The following GLIS3 variants were observed in gnomAD, a reference collection of about 807,000 sequenced individuals.
GLIS3 encodes GLIS family zinc finger 3, also known as zinc finger protein GLIS3.
Under a neutral mutation model 78.6 loss-of-function variants are expected in GLIS3, and 53 were observed. The observed-to-expected ratio is 0.67, with a 90% CI of 0.54 to 0.85. The LOEUF is 0.85. Ranked by LOEUF, GLIS3 falls within the 40% of genes least tolerant of loss-of-function variation. The probability of loss-of-function intolerance (pLI) is 0.00; values close to 1 mark genes in which losing one functional copy is unlikely to be tolerated. For missense variants in GLIS3, 1,703 were observed against 1,231.1 expected (o/e 1.38, Z -5.74); for synonymous variants, 684 against 509.9 (o/e 1.34, Z -4.60).
chr9:4,184,188 T>C (rs1324077176), intron 2 of GLIS3, among the ~76,000 whole-genome samples: 1 of 152,214 alleles, frequency 6.6e-6, no homozygotes, highest in Non-Finnish European at 1.5e-5. Context: ...CAGCCAACTC[T>C]TGATTATCCT....
the GLIS3 span, among the ~76,000 whole-genome samples, chr9:4,367,908 A>G: frequency 6.6e-6 from 1 of 152,206 alleles, no homozygotes; most frequent in Non-Finnish European, 1.5e-5. Context: ...CTTCAATTTT[A>G]TAGTGAGGAA....
At chr9:4,096,325 G>T (rs1333430844) in intron 4 of GLIS3, among the ~76,000 whole-genome samples, 4 of 152,168 alleles carry the variant, frequency 2.6e-5, no homozygotes, top group Admixed American at 6.6e-5. Flanking sequence ...AGGACATACA[G>T]TGAATCACTC....
At chr9:4,362,839 A>G in the GLIS3 span, among the ~76,000 whole-genome samples, 1 of 152,130 alleles carries the variant, frequency 6.6e-6, no homozygotes, top group Non-Finnish European at 1.5e-5. Context: ...TTGGAGAACA[A>G]TGGGGGAGGC....
chr9:4,475,022 C>G, the GLIS3 span, among the ~76,000 whole-genome samples: 6 of 100,158 alleles, frequency 6.0e-5, no homozygotes, highest in Non-Finnish European at 1.1e-4. Flanking sequence ...GAGACGTAGT[C>G]TTGCTCTGTC....
the GLIS3 span, among the ~76,000 whole-genome samples, chr9:4,418,149 A>G: frequency 4.6e-5 from 7 of 152,356 alleles, no homozygotes; most frequent in East Asian, 1.3e-3. Context: ...ACAGTCACTC[A>G]TGAGCCATCC....
chr9:3,952,278 CACCTT>C (rs1816748902), intron 4 of GLIS3, among the ~76,000 whole-genome samples: 1 of 152,062 alleles, frequency 6.6e-6, no homozygotes, highest in African/African-American at 2.4e-5. Context: ...ACTTCTTGGT[CACCTT>C]ACTACTGGGA....
At chr9:4,248,155 G>A (rs1408135038) in intron 2 of GLIS3, among the ~76,000 whole-genome samples, 1 of 152,026 alleles carries the variant, frequency 6.6e-6, no homozygotes, top group Non-Finnish European at 1.5e-5. Context: ...TTGTTACATA[G>A]GTATGCACGT....
intron 2 of GLIS3, among the ~76,000 whole-genome samples, chr9:4,263,597 G>A (rs531855879): frequency 1.7e-4 from 26 of 152,146 alleles, no homozygotes; most frequent in African/African-American, 6.3e-4. Context: ...TAAAGTTTCT[G>A]TCATTTTCCA....
the GLIS3 span, among the ~76,000 whole-genome samples, chr9:4,376,779 C>T: frequency 7.4e-6 from 1 of 135,672 alleles, no homozygotes; most frequent in Non-Finnish European, 1.7e-5. Flanking sequence ...TGAGAATACT[C>T]AATGCTGAAA....
At chr9:4,124,972 T>G (rs1353259787) in intron 3 of GLIS3, among the ~76,000 whole-genome samples, 1 of 152,240 alleles carries the variant, frequency 6.6e-6, no homozygotes, top group Admixed American at 6.5e-5. Flanking sequence ...TACAGTATTT[T>G]GGCTTTATGC....
intron 6 of GLIS3, among the ~76,000 whole-genome samples, chr9:3,931,745 C>A (rs1825635086): frequency 6.6e-6 from 1 of 152,164 alleles, no homozygotes; most frequent in Non-Finnish European, 1.5e-5. Context: ...TCTTCCAAAT[C>A]TAAGATATTA....
intron 4 of GLIS3, among the ~76,000 whole-genome samples, chr9:4,028,679 A>T (rs975564762): frequency 5.3e-5 from 8 of 152,046 alleles, no homozygotes; most frequent in African/African-American, 1.7e-4. Context: ...CTGAATCCCA[A>T]CACTATAGAT....
chr9:4,159,269 C>A (rs1231747499), intron 2 of GLIS3, among the ~76,000 whole-genome samples: 1 of 152,184 alleles, frequency 6.6e-6, no homozygotes, highest in Non-Finnish European at 1.5e-5. Flanking sequence ...ATATGTGAAA[C>A]ACTGGAGAGT....
At chr9:3,936,942 C>A (rs537162742) in intron 5 of GLIS3, 86 bp downstream of exon 5, 1 of 1,575,390 alleles carries the variant, frequency 6.3e-7, no homozygotes. Flanking sequence ...GACCATAAAG[C>A]AAACACTTCA....
the GLIS3 span, among the ~76,000 whole-genome samples, chr9:4,472,654 G>A: frequency 6.6e-6 from 1 of 152,034 alleles, no homozygotes; most frequent in East Asian, 1.9e-4. Context: ...TATACCTAAT[G>A]TAAATGACGA....
intron 8 of GLIS3, among the ~76,000 whole-genome samples, chr9:3,867,756 A>T (rs377566381): frequency 2.6e-4 from 35 of 135,610 alleles, no homozygotes; most frequent in South Asian, 9.6e-4. Flanking sequence ...TGTGTGTGTG[A>T]GTGCATGTGT....
intron 4 of GLIS3, among the ~76,000 whole-genome samples, chr9:4,058,598 A>G (rs576682468): frequency 6.6e-6 from 1 of 152,242 alleles, no homozygotes; most frequent in South Asian, 2.1e-4. Context: ...CTCTGTGTCT[A>G]CTTCTATTGA....
intron 2 of GLIS3, among the ~76,000 whole-genome samples, chr9:4,134,521 G>T (rs182693181): frequency 6.6e-6 from 1 of 152,126 alleles, no homozygotes; most frequent in African/African-American, 2.4e-5. Context: ...ATCTCTAAAA[G>T]ACAAATAATA....
chr9:4,006,650 A>T (rs1367230795), intron 4 of GLIS3, among the ~76,000 whole-genome samples: 1 of 152,206 alleles, frequency 6.6e-6, no homozygotes, highest in Non-Finnish European at 1.5e-5. Flanking sequence ...ACTAGATGAA[A>T]ACACTGAGGT....
Sources: gnomAD v4.1 joint callset for allele counts (sites outside exome capture counted in the v4.1 genomes callset) on GRCh38, gnomAD v4.1.1 for gene constraint, MANE v1.5 for transcripts, NCBI Gene and HGNC (gene_info 2026-07-23, HGNC 2026-07-21) for gene names.